TLL1: variants seen among roughly 807,000 people sequenced by gnomAD.
The protein encoded by TLL1 is tolloid like 1.
In TLL1, 49 loss-of-function variants were observed where a neutral mutation model predicts 128.2. That is an observed-to-expected ratio of 0.38 (90% CI 0.30 to 0.48). The LOEUF (loss-of-function observed/expected upper bound fraction) is 0.48. TLL1 is among the 20% of genes least tolerant of loss of function. The pLI, the probability that TLL1 is intolerant of heterozygous loss-of-function variation, is 0.96. For missense variants in TLL1, 1,123 were observed against 1,242.0 expected (o/e 0.90, Z 1.44); for synonymous variants, 454 against 418.8 (o/e 1.08, Z -1.03).
chr4:165,990,901 G>A (rs1736609078), intron 2 of TLL1, among the ~76,000 whole-genome samples: 1 of 151,902 alleles, frequency 6.6e-6, no homozygotes, highest in South Asian at 2.1e-4. Context: ...TAATATTGCT[G>A]TGCAGTGTCA....
Position 165,992,884 on chromosome 4 carries a change from G to T in TLL1, c.361G>T (p.Gly121Cys), listed in dbSNP as rs1736710588. ...AGACAGGATAAGAAGAATTGGCTTT[G>T]GTATATCAATGTTTAAAGTTGCAGA... is the stretch of plus-strand genomic sequence containing the variant. The part of the protein sequence containing the change: ...LIDRIRRIGF[G>C]LEQNNTVKGK... The change falls in exon 3 of 21, where the codon GGC becomes TGC. Residue 121 changes from glycine to cysteine, a missense_variant and splice_region_variant. Coordinates refer to ENST00000061240, the MANE Select transcript of TLL1 (RefSeq NM_012464.5). 6.2e-7 allele frequency: 1 copy of T among 1,612,454 alleles called. No homozygotes were observed. The highest frequency in any genetic ancestry group is 1.7e-5 in the Admixed American group (1 of 59,838).
At chr4:165,886,739 A>C (rs1388490061) in intron 1 of TLL1, among the ~76,000 whole-genome samples, 1 of 152,178 alleles carries the variant, frequency 6.6e-6, no homozygotes, top group Non-Finnish European at 1.5e-5. Context: ...TGTATTTTTA[A>C]AATTCATATT....
At chr4:166,036,049 A>G (rs1237972245) in intron 9 of TLL1, among the ~76,000 whole-genome samples, 4 of 152,212 alleles carry the variant, frequency 2.6e-5, no homozygotes, top group African/African-American at 9.6e-5. Flanking sequence ...CAAGGTTTGT[A>G]CATTCTGTAT....
intron 16 of TLL1, among the ~76,000 whole-genome samples, chr4:166,074,371 C>G (rs1740926471): frequency 6.6e-6 from 1 of 151,324 alleles, no homozygotes; most frequent in Non-Finnish European, 1.5e-5. Flanking sequence ...AAATCAACTA[C>G]AGTAATTATA....
intron 12 of TLL1, among the ~76,000 whole-genome samples, chr4:166,047,809 C>G (rs1478897301): frequency 1.3e-5 from 2 of 152,054 alleles, no homozygotes; most frequent in African/African-American, 2.4e-5. Flanking sequence ...GTGATGTGGT[C>G]TGGATGTTTG....
At chr4:166,075,037 G>A (rs1740960092) in intron 17 of TLL1, 34 bp downstream of exon 17, 1 of 1,610,328 alleles carries the variant, frequency 6.2e-7, no homozygotes, top group African/African-American at 1.3e-5. Context: ...TTGACAACAT[G>A]TAGAATTTCA....
chr4:166,056,497 A>T (rs7687109), intron 13 of TLL1, among the ~76,000 whole-genome samples: 14,170 of 152,040 alleles, frequency 0.093, 707 homozygotes, highest in South Asian at 0.11. Context: ...AAATGTCTAT[A>T]TAAGAAACAC....
intron 1 of TLL1, among the ~76,000 whole-genome samples, chr4:165,960,508 G>GA (rs1735044213): frequency 6.6e-6 from 1 of 151,634 alleles, no homozygotes; most frequent in Admixed American, 6.6e-5. Context: ...GAGACACAAC[G>GA]AAAAAAGAAG....
chr4:165,914,680 A>G (rs111742190), intron 1 of TLL1, among the ~76,000 whole-genome samples: 1 of 152,280 alleles, frequency 6.6e-6, no homozygotes, highest in African/African-American at 2.4e-5. Context: ...TGGGGGTGAC[A>G]TGGAGTGCGA....
At chr4:165,926,022 G>A (rs1326721010) in intron 1 of TLL1, among the ~76,000 whole-genome samples, 2 of 152,078 alleles carry the variant, frequency 1.3e-5, no homozygotes, top group Middle Eastern at 6.3e-3. Context: ...ACTTTTGTAT[G>A]CACTGGGAAA....
rs1742342388 is a variant in TLL1, at chr4:166,102,589, C to A, written c.*1713C>A. 1 of 152,070 alleles carries A rather than the reference C, an allele frequency of 6.6e-6. No individual in the cohort carries two copies. Among genetic ancestry groups the A allele is most frequent in the African/African-American group, 2.4e-5 (1 of 41,364 alleles). 9.4% of individuals were successfully genotyped at this position (152,070 alleles called of 1,614,324 possible). ...TCTATTTTGATGTCAATATAGATTACTGTATGAAGTAGCTTTGTGTCTGTT... is the reference window on the plus strand; with the variant it reads ...TCTATTTTGATGTCAATATAGATTAATGTATGAAGTAGCTTTGTGTCTGTT... On this transcript the variant is annotated 3_prime_UTR_variant, in exon 21 of 21. Coordinates refer to ENST00000061240, the MANE Select transcript of TLL1 (RefSeq NM_012464.5).
At position 165,905,840 on chromosome 4, in the gene TLL1, G is replaced by A. The variant is rs1208127027; in HGVS notation, c.169+31767G>A. On this transcript the variant is annotated intron_variant, in intron 1 of 20. Transcript: ENST00000061240. Reference sequence around the variant, plus strand: ...ACATTAGGATTCCTAATCTATTTTTGAAAAGCGTCATCGGTTGCTTTTCTG... The same window carrying A: ...ACATTAGGATTCCTAATCTATTTTTAAAAAGCGTCATCGGTTGCTTTTCTG... Among the ~76,000 whole-genome samples, 7 of 152,248 alleles carry A rather than the reference G, an allele frequency of 4.6e-5. No individual in the cohort carries two copies. In the East Asian group the frequency reaches 1.2e-3, roughly 25 times the overall value.
intron 1 of TLL1, among the ~76,000 whole-genome samples, chr4:165,900,304 T>C (rs2110850602): frequency 6.6e-6 from 1 of 152,280 alleles, no homozygotes; most frequent in East Asian, 1.9e-4. Flanking sequence ...TTTTGCCCAT[T>C]AGTTGATACA....
chr4:166,010,824 G>GTT (rs201257162), intron 7 of TLL1, among the ~76,000 whole-genome samples: 3 of 150,338 alleles, frequency 2.0e-5, no homozygotes, highest in Non-Finnish European at 4.5e-5. Flanking sequence ...TTTTTAAAGT[G>GTT]TTTTTTTTAA....
intron 1 of TLL1, among the ~76,000 whole-genome samples, chr4:165,921,257 C>G (rs1733028547): frequency 6.6e-6 from 1 of 152,136 alleles, no homozygotes; most frequent in African/African-American, 2.4e-5. Flanking sequence ...TAGAACAAAA[C>G]TTTTATAAAA....
chr4:166,039,064 TTAC>T lies in TLL1; in HGVS notation c.1159-274_1159-272del, dbSNP rs1298174504. ...TGCTTTACAATTGTCCAGATTAACT[TTAC>T]AGAAACTTTTTGTTAATTGCTAACA... On this transcript the variant is annotated intron_variant, in intron 9 of 20. Coordinates refer to ENST00000061240, the MANE Select transcript of TLL1 (RefSeq NM_012464.5). Among the ~76,000 whole-genome samples the T allele has an allele frequency of 3.8e-3, 575 of 152,052 alleles. 4 individuals are homozygous for T. The highest frequency in any genetic ancestry group is 0.013 in the African/African-American group (544 of 41,356).
intron 7 of TLL1, among the ~76,000 whole-genome samples, chr4:166,009,454 T>C (rs952465702): frequency 4.6e-5 from 7 of 151,448 alleles, no homozygotes; most frequent in Admixed American, 4.0e-4. Flanking sequence ...CCTTATTCTA[T>C]ACTTTTTTCC....
At chr4:166,050,344 T>G (rs1015765742) in intron 12 of TLL1, among the ~76,000 whole-genome samples, 1 of 152,210 alleles carries the variant, frequency 6.6e-6, no homozygotes. Context: ...CATTCATCTA[T>G]CAATGAACCT....
At chr4:166,023,067 C>T (rs532294043) in intron 8 of TLL1, among the ~76,000 whole-genome samples, 45 of 152,216 alleles carry the variant, frequency 3.0e-4, no homozygotes, top group Middle Eastern at 6.8e-3. Context: ...GCTTTGCATG[C>T]GATGATGTAA....
Sources: allele counts gnomAD v4.1 joint callset (sites outside exome capture counted in the v4.1 genomes callset), GRCh38; gene constraint gnomAD v4.1.1; transcripts MANE v1.5; gene names NCBI Gene and HGNC (gene_info 2026-07-23, HGNC 2026-07-21).